SIL1: variants seen among roughly 807,000 people sequenced by gnomAD.
SIL1 encodes the protein SIL1 nucleotide exchange factor.
SIL1 carries 40 observed loss-of-function variants against 49.1 expected under a neutral mutation model. The observed-to-expected ratio is 0.81, with a 90% CI of 0.63 to 1.06. The LOEUF (loss-of-function observed/expected upper bound fraction) is 1.06, where lower values mean the gene tolerates loss of function less well. SIL1 is among the 50% of genes least tolerant of loss of function. SIL1 has a pLI of 0.00. For missense variants in SIL1, 500 were observed against 572.6 expected (o/e 0.87, Z 1.29); for synonymous variants, 253 against 250.8 (o/e 1.01, Z -0.08).
At chr5:139,020,566 T>G (rs1393980646) in intron 7 of SIL1, among the ~76,000 whole-genome samples, 2 of 152,214 alleles carry the variant, frequency 1.3e-5, no homozygotes, top group Non-Finnish European at 2.9e-5. Context: ...CATGCAGATA[T>G]CTTGACCTTT....
intron 6 of SIL1, among the ~76,000 whole-genome samples, chr5:139,025,008 G>T (rs997356072): frequency 1.3e-5 from 2 of 152,048 alleles, no homozygotes; most frequent in East Asian, 1.9e-4. Flanking sequence ...TTCCTATCTC[G>T]CCATAGTTTC....
intron 5 of SIL1, among the ~76,000 whole-genome samples, chr5:139,037,900 A>T (rs1050997401): frequency 6.6e-6 from 1 of 152,172 alleles, no homozygotes; most frequent in Non-Finnish European, 1.5e-5. Context: ...AACAACATAC[A>T]TTTATTTCTC....
chr5:138,973,839 C>T (rs139567667), intron 7 of SIL1, among the ~76,000 whole-genome samples: 29 of 152,230 alleles, frequency 1.9e-4, no homozygotes, highest in African/African-American at 6.7e-4. Flanking sequence ...CCTGCCTCAG[C>T]CTCCCAAAGT....
intron 7 of SIL1, among the ~76,000 whole-genome samples, chr5:138,987,806 GC>G (rs1767677113): frequency 6.6e-6 from 1 of 152,226 alleles, no homozygotes; most frequent in Non-Finnish European, 1.5e-5. Context: ...TAACTTGTCA[GC>G]AGGTTTCAAC....
At position 139,121,132 on chromosome 5, in the gene SIL1, T is replaced by G. The variant is rs1356227171; in HGVS notation, c.147A>C (p.Lys49Asn). 1 of 1,614,198 alleles carries G rather than the reference T, an allele frequency of 6.2e-7. No homozygotes were observed. Among genetic ancestry groups the G allele is most frequent in the East Asian group, 2.2e-5 (1 of 44,894 alleles). Reference sequence around the variant, plus strand: ...CTTTGGTTTCTTTTCTCTCTGTTTCTTTGGTGCTGCTCTTCTCTGGGTTGG... The same window carrying G: ...CTTTGGTTTCTTTTCTCTCTGTTTCGTTGGTGCTGCTCTTCTCTGGGTTGG... ...ALTNPEKSST[K>N]ETERKETKAE... is the part of the protein sequence containing the mutation. The change falls in exon 3 of 10, where the codon AAA (lysine) becomes AAC (asparagine). Residue 49 changes from lysine (K) to asparagine (N), a missense_variant. Physicochemically the swap from Lys to Asn is moderately conservative, Grantham distance 94. Transcript: ENST00000394817.
At chr5:139,061,911 T>C (rs1051341429) in intron 3 of SIL1, among the ~76,000 whole-genome samples, 1 of 152,130 alleles carries the variant, frequency 6.6e-6, no homozygotes, top group African/African-American at 2.4e-5. Context: ...CAGCTCCCTC[T>C]TCCCCAGACC....
intron 7 of SIL1, among the ~76,000 whole-genome samples, chr5:138,973,876 C>T (rs1055953879): frequency 6.6e-5 from 10 of 152,122 alleles, no homozygotes; most frequent in Admixed American, 3.9e-4. Flanking sequence ...TGAGCCATCA[C>T]GCCCGGCCCA....
chr5:139,058,828 G>GT (rs1769517339), intron 3 of SIL1, among the ~76,000 whole-genome samples: 1 of 151,774 alleles, frequency 6.6e-6, no homozygotes. Flanking sequence ...ACGAGCCCTA[G>GT]TTTTTTTTCT....
chr5:138,966,946 T>G (rs1026147241), intron 7 of SIL1, among the ~76,000 whole-genome samples: 22 of 152,202 alleles, frequency 1.4e-4, no homozygotes, highest in Non-Finnish European at 8.8e-5. Flanking sequence ...TTATCTCAAT[T>G]TGACTTCTAT....
chr5:139,171,504 G>A (rs931206191), intron 1 of SIL1, among the ~76,000 whole-genome samples: 28 of 152,086 alleles, frequency 1.8e-4, no homozygotes, highest in East Asian at 7.7e-4. Context: ...TGAAGGCAGC[G>A]TGCTCGTTAA....
At position 139,127,844 on chromosome 5, in the gene SIL1, A is replaced by T. The variant is rs866405224; in HGVS notation, c.-1T>A. 1 of 1,597,522 alleles carries T rather than the reference A, an allele frequency of 6.3e-7. No homozygotes were observed. Among genetic ancestry groups the T allele is most frequent in the Non-Finnish European group, 8.5e-7 (1 of 1,171,458 alleles). ...ATGAAGGCAGGCTCTGGGGAGCCAT[A>T]GTCAGGGACCTGCAGGTGCAAGCAT... On this transcript the variant is annotated 5_prime_UTR_variant, in exon 2 of 10. Coordinates refer to ENST00000394817, the MANE Select transcript of SIL1 (RefSeq NM_022464.5).
chr5:139,129,538 G>T (rs553835492), intron 1 of SIL1, among the ~76,000 whole-genome samples: 2 of 152,338 alleles, frequency 1.3e-5, no homozygotes, highest in South Asian at 4.1e-4. Flanking sequence ...TGAGCATGGT[G>T]GCGGGTGCCT....
intron 7 of SIL1, among the ~76,000 whole-genome samples, chr5:139,005,274 G>T (rs1050124967): frequency 2.6e-5 from 4 of 151,772 alleles, no homozygotes; most frequent in Non-Finnish European, 5.9e-5. Context: ...TAATTTAAAA[G>T]AAGTTCTAGT....
intron 1 of SIL1, among the ~76,000 whole-genome samples, chr5:139,157,446 G>A (rs558871404): frequency 4.6e-5 from 7 of 152,282 alleles, no homozygotes; most frequent in Admixed American, 1.3e-4. Flanking sequence ...GGAACACCAA[G>A]AGAAGGAGTG....
intron 7 of SIL1, among the ~76,000 whole-genome samples, chr5:139,002,444 AAAAT>A (rs1368450028): frequency 5.9e-5 from 9 of 152,216 alleles, no homozygotes; most frequent in Non-Finnish European, 7.3e-5. Context: ...AAATAATACA[AAAAT>A]AAATAAATAC....
At chr5:139,080,064 G>C (rs1395445834) in intron 3 of SIL1, among the ~76,000 whole-genome samples, 1 of 152,106 alleles carries the variant, frequency 6.6e-6, no homozygotes, top group South Asian at 2.1e-4. Flanking sequence ...AACTTTACTG[G>C]GGGTGGGGGG....
chr5:139,081,364 C>T (rs748828495), intron 3 of SIL1, among the ~76,000 whole-genome samples: 1 of 152,216 alleles, frequency 6.6e-6, no homozygotes, highest in South Asian at 2.1e-4. Flanking sequence ...AAGCCATCCT[C>T]GTGCCTTAGC....
intron 7 of SIL1, among the ~76,000 whole-genome samples, chr5:138,971,202 TAGC>T (rs1345173716): frequency 1.3e-5 from 2 of 152,134 alleles, no homozygotes; most frequent in Non-Finnish European, 2.9e-5. Context: ...AGAGCCTTCA[TAGC>T]CCACCACATT....
At chr5:139,113,424 G>A (rs1329842854) in intron 3 of SIL1, among the ~76,000 whole-genome samples, 1 of 151,514 alleles carries the variant, frequency 6.6e-6, no homozygotes, top group African/African-American at 2.4e-5. Context: ...CTCTGACAGA[G>A]TGGATGCTGC....
Sources: gnomAD v4.1 joint callset for allele counts (sites outside exome capture counted in the v4.1 genomes callset) on GRCh38, gnomAD v4.1.1 for gene constraint, MANE v1.5 for transcripts, NCBI Gene and HGNC (gene_info 2026-07-23, HGNC 2026-07-21) for gene names.